The following KALRN variants were observed in gnomAD, a reference collection of about 807,000 sequenced individuals.
The protein encoded by KALRN is kalirin.
KALRN carries 70 observed loss-of-function variants against 353.7 expected under a neutral mutation model. The ratio of observed to expected loss-of-function variants is 0.20; its 90% CI spans 0.16 to 0.24. The LOEUF (loss-of-function observed/expected upper bound fraction) is 0.24. Among genes scored for constraint, KALRN ranks in the 10% least tolerant of loss-of-function variants. KALRN has a pLI of 1.00. For synonymous variants in KALRN, 1,391 were observed against 1,434.8 expected, an observed-to-expected ratio of 0.97 and a Z score of 0.69; for missense variants, 2,791 against 3,756.7, an observed-to-expected ratio of 0.74 and a Z score of 6.72.
intron 1 of KALRN, among the ~76,000 whole-genome samples, chr3:124,204,386 A>G (rs7652065): frequency 0.58 from 87,660 of 152,054 alleles, 25,919 homozygotes; most frequent in Non-Finnish European, 0.65. Context: ...GCTGTGGGCT[A>G]CAAATTAAAA....
At chr3:124,082,700 AGAG>A (rs1218896836) in intron 1 of KALRN, among the ~76,000 whole-genome samples, 3 of 152,236 alleles carry the variant, frequency 2.0e-5, no homozygotes, top group Admixed American at 6.5e-5. Flanking sequence ...ACTTCGGTTC[AGAG>A]GAGTTTACAG....
chr3:124,100,025 A>G (rs1046514485), intron 1 of KALRN, among the ~76,000 whole-genome samples: 1 of 152,100 alleles, frequency 6.6e-6, no homozygotes, highest in Non-Finnish European at 1.5e-5. Flanking sequence ...TTAGCTGGGC[A>G]TGGCAGTGCG....
At chr3:124,241,710 G>A (rs2080464158) in intron 3 of KALRN, among the ~76,000 whole-genome samples, 1 of 152,130 alleles carries the variant, frequency 6.6e-6, no homozygotes, top group Admixed American at 6.5e-5. Context: ...CATAATTGTG[G>A]GGTAGCACCC....
At chr3:124,133,066 C>T (rs144075345) in intron 1 of KALRN, 101 of 153,304 alleles carry the variant, frequency 6.6e-4, no homozygotes, top group Middle Eastern at 4.5e-3. Context: ...GCCAGGGATG[C>T]TGCCTGTGTT....
chr3:124,249,238 C>T (rs543216767), intron 3 of KALRN, among the ~76,000 whole-genome samples: 20 of 152,236 alleles, frequency 1.3e-4, no homozygotes, highest in African/African-American at 4.8e-4. Flanking sequence ...GGGGAGGGAC[C>T]CAGTTCTTGC....
At chr3:124,041,930 C>T (rs191492180) in intron 1 of KALRN, among the ~76,000 whole-genome samples, 5 of 152,266 alleles carry the variant, frequency 3.3e-5, no homozygotes, top group Admixed American at 2.6e-4. Flanking sequence ...GGAGAATTAG[C>T]TTTGTCTCCT....
intron 1 of KALRN, among the ~76,000 whole-genome samples, chr3:124,180,235 G>A (rs961858290): frequency 1.3e-5 from 2 of 152,140 alleles, no homozygotes; most frequent in African/African-American, 4.8e-5. Flanking sequence ...CTTTTGGCAC[G>A]AGTGCCTGGT....
chr3:124,583,411 G>A (rs1429996674), intron 34 of KALRN, among the ~76,000 whole-genome samples: 1 of 152,136 alleles, frequency 6.6e-6, no homozygotes, highest in African/African-American at 2.4e-5. Flanking sequence ...CTTCAAGGGG[G>A]TTGTGGAAAG....
chr3:124,060,225 C>T (rs956633017), intron 1 of KALRN, among the ~76,000 whole-genome samples: 3 of 152,090 alleles, frequency 2.0e-5, no homozygotes, highest in Admixed American at 6.5e-5. Context: ...ATAAAATGAG[C>T]GGGAGGTGAA....
chr3:124,202,965 C>T (rs926391379), intron 1 of KALRN, among the ~76,000 whole-genome samples: 2 of 152,282 alleles, frequency 1.3e-5, no homozygotes, highest in Middle Eastern at 3.4e-3. Context: ...ACTCTCCACT[C>T]GCAGCTTTCT....
chr3:124,512,013 C>T (rs1053982559), intron 33 of KALRN, among the ~76,000 whole-genome samples: 1 of 152,222 alleles, frequency 6.6e-6, no homozygotes, highest in African/African-American at 2.4e-5. Flanking sequence ...CTGCAGCACA[C>T]TGAGGTAGAA....
At chr3:124,322,983 A>G (rs1337810634) in intron 6 of KALRN, among the ~76,000 whole-genome samples, 2 of 152,214 alleles carry the variant, frequency 1.3e-5, no homozygotes, top group Non-Finnish European at 2.9e-5. Context: ...TCATAAGTCA[A>G]CATTGTATTT....
intron 1 of KALRN, among the ~76,000 whole-genome samples, chr3:124,136,940 G>T (rs140725061): frequency 6.6e-6 from 1 of 152,188 alleles, no homozygotes; most frequent in Non-Finnish European, 1.5e-5. Context: ...GAGGTGGGGA[G>T]CGAGGCCCTG....
At chr3:124,561,928 G>C (rs932107066) in intron 33 of KALRN, among the ~76,000 whole-genome samples, 13 of 152,190 alleles carry the variant, frequency 8.5e-5, no homozygotes, top group Non-Finnish European at 1.8e-4. Context: ...AGAAGAAAGG[G>C]GGGAAGTGGG....
intron 1 of KALRN, among the ~76,000 whole-genome samples, chr3:124,058,997 T>C (rs987268193): frequency 6.6e-6 from 1 of 152,164 alleles, no homozygotes; most frequent in Non-Finnish European, 1.5e-5. Flanking sequence ...CTAATTCCAC[T>C]GGGTATGTGC....
chr3:124,201,203 T>C (rs1455613340), intron 1 of KALRN, among the ~76,000 whole-genome samples: 1 of 152,226 alleles, frequency 6.6e-6, no homozygotes, highest in Non-Finnish European at 1.5e-5. Flanking sequence ...GAATGCCAGG[T>C]CCAACCTCTT....
At chr3:124,271,385 G>A (rs4420813) in intron 5 of KALRN, among the ~76,000 whole-genome samples, 94,833 of 151,962 alleles carry the variant, frequency 0.62, 29,743 homozygotes, top group Admixed American at 0.66. Context: ...CCAAGTAAAC[G>A]GCATACCATA....
chr3:124,113,374 G>A (rs1458707973), intron 1 of KALRN, among the ~76,000 whole-genome samples: 1 of 152,228 alleles, frequency 6.6e-6, no homozygotes, highest in African/African-American at 2.4e-5. Flanking sequence ...GAAGGGGATG[G>A]TGGAGTGGTT....
At chr3:124,217,026 T>G (rs995811251) in intron 1 of KALRN, among the ~76,000 whole-genome samples, 7 of 152,248 alleles carry the variant, frequency 4.6e-5, no homozygotes, top group African/African-American at 1.7e-4. Flanking sequence ...TTACTGCTTT[T>G]TCACATTTTA....
Sources: gnomAD v4.1 joint callset for allele counts (sites outside exome capture counted in the v4.1 genomes callset) on GRCh38, gnomAD v4.1.1 for gene constraint, MANE v1.5 for transcripts, NCBI Gene and HGNC (gene_info 2026-07-23, HGNC 2026-07-21) for gene names.